PEBP4: variants seen among roughly 807,000 people sequenced by gnomAD.
The protein encoded by PEBP4 is phosphatidylethanolamine-binding protein 4.
A neutral mutation model predicts 23.9 loss-of-function variants in PEBP4; 22 were observed. That is an observed-to-expected ratio of 0.92 (90% CI 0.66 to 1.31). PEBP4 has a LOEUF of 1.31. Ranked by LOEUF, PEBP4 falls within the 40% of genes most tolerant of loss-of-function variation. PEBP4 has a pLI of 0.00. For missense variants in PEBP4, 324 were observed against 281.7 expected (o/e 1.15, Z -1.07); for synonymous variants, 112 against 99.3 (o/e 1.13, Z -0.76).
intron 3 of PEBP4, among the ~76,000 whole-genome samples, chr8:22,859,828 C>T (rs117813921): frequency 0.011 from 1,613 of 152,090 alleles, 20 homozygotes; most frequent in Non-Finnish European, 0.018. Context: ...TGCCTTACAT[C>T]TTTGTTTTTG....
intron 1 of PEBP4, among the ~76,000 whole-genome samples, chr8:22,934,533 G>A (rs1809507571): frequency 6.6e-6 from 1 of 152,132 alleles, no homozygotes; most frequent in African/African-American, 2.4e-5. Context: ...GAGGAAATGA[G>A]GAACACAAAA....
intron 3 of PEBP4, among the ~76,000 whole-genome samples, chr8:22,829,825 C>T (rs527539289): frequency 1.3e-5 from 2 of 152,298 alleles, no homozygotes; most frequent in African/African-American, 2.4e-5. Flanking sequence ...GCAAAATCCA[C>T]GAAATAACTG....
intron 3 of PEBP4, among the ~76,000 whole-genome samples, chr8:22,829,488 G>C (rs2128763786): frequency 6.6e-6 from 1 of 152,252 alleles, no homozygotes; most frequent in South Asian, 2.1e-4. Flanking sequence ...AGGGGAAATT[G>C]AAGGCATCAA....
At chr8:22,805,740 T>C (rs993240220) in intron 4 of PEBP4, among the ~76,000 whole-genome samples, 6 of 152,228 alleles carry the variant, frequency 3.9e-5, no homozygotes, top group African/African-American at 7.2e-5. Flanking sequence ...CTGTGTACTC[T>C]GCTCTCTTTT....
chr8:22,819,858 G>A (rs1029709600), intron 3 of PEBP4, among the ~76,000 whole-genome samples: 4 of 152,086 alleles, frequency 2.6e-5, no homozygotes, highest in East Asian at 1.9e-4. Flanking sequence ...CACCTGCCTC[G>A]GCCTCCCAAA....
intron 4 of PEBP4, among the ~76,000 whole-genome samples, chr8:22,728,563 C>CTTCCTTT: frequency 2.9e-5 from 2 of 69,304 alleles, no homozygotes. Flanking sequence ...TTTCTTTCTT[C>CTTCCTTT]CTTCCTTCCT....
At chr8:22,762,656 C>T (rs1462979413) in intron 4 of PEBP4, among the ~76,000 whole-genome samples, 2 of 152,050 alleles carry the variant, frequency 1.3e-5, no homozygotes, top group Non-Finnish European at 1.5e-5. Context: ...TGCAAGTCTC[C>T]GAGAGGTAGA....
At chr8:22,721,277 TTGA>T (rs1252611285) in intron 6 of PEBP4, among the ~76,000 whole-genome samples, 2 of 152,114 alleles carry the variant, frequency 1.3e-5, no homozygotes, top group African/African-American at 2.4e-5. Flanking sequence ...ACCCTGTATC[TTGA>T]TGAGGTCAAA....
intron 4 of PEBP4, chr8:22,744,676 AG>A (rs1173975830): frequency 1.3e-5 from 2 of 152,274 alleles, no homozygotes; most frequent in African/African-American, 2.4e-5. Flanking sequence ...ACAGAAGAAG[AG>A]GAACATTTAG....
chr8:22,845,250 C>G (rs138365218), intron 3 of PEBP4, among the ~76,000 whole-genome samples: 1 of 151,966 alleles, frequency 6.6e-6, no homozygotes, highest in Non-Finnish European at 1.5e-5. Context: ...AATCCATCAT[C>G]AGACCAGACG....
In PEBP4 at chr8:22,713,642, G is replaced by T. The variant is rs1804354995; in HGVS notation, c.518-106C>A. 5 of 1,490,440 alleles carry T rather than the reference G, an allele frequency of 3.4e-6. No homozygotes were observed. In the South Asian group the frequency reaches 4.7e-5, roughly 14 times the overall value. The allele number at this position is 1,490,440 out of a possible 1,614,324, so 92.3% of individuals were successfully genotyped here. On this transcript the variant is annotated intron_variant, in intron 6 of 6. Coordinates refer to ENST00000256404, the MANE Select transcript of PEBP4 (RefSeq NM_144962.3). The stretch of plus-strand genomic sequence containing the variant: ...CGGCTCGTGGGAGCCGAGGCAGCAG[G>T]TGATGCGATGGCCATGGGGCGTAGT...
chr8:22,897,697 C>CT (rs1808617237), intron 3 of PEBP4: 1 of 152,112 alleles, frequency 6.6e-6, no homozygotes, highest in African/African-American at 2.4e-5. Context: ...CTTAACATCT[C>CT]TCCCTGGATT....
intron 3 of PEBP4, among the ~76,000 whole-genome samples, chr8:22,910,275 GT>G (rs1808911514): frequency 6.6e-6 from 1 of 152,260 alleles, no homozygotes; most frequent in Admixed American, 6.5e-5. Context: ...TAGGGAAAGT[GT>G]TTTGAAAATT....
At chr8:22,798,132 C>T (rs569817879) in intron 4 of PEBP4, among the ~76,000 whole-genome samples, 11 of 152,190 alleles carry the variant, frequency 7.2e-5, no homozygotes, top group African/African-American at 2.6e-4. Flanking sequence ...TTGAGCAGAA[C>T]TTTCAAAAAA....
intron 4 of PEBP4, among the ~76,000 whole-genome samples, chr8:22,759,883 C>A (rs935253533): frequency 6.6e-6 from 1 of 152,164 alleles, no homozygotes; most frequent in South Asian, 2.1e-4. Flanking sequence ...GTGGTTTGCT[C>A]ATTTCTGCAC....
intron 3 of PEBP4, among the ~76,000 whole-genome samples, chr8:22,854,102 C>T (rs1807595732): frequency 6.6e-6 from 1 of 152,180 alleles, no homozygotes; most frequent in Non-Finnish European, 1.5e-5. Context: ...CTTAAGAATC[C>T]CAATGCATGA....
chr8:22,768,740 G>T (rs1382304489), intron 4 of PEBP4, among the ~76,000 whole-genome samples: 2 of 152,100 alleles, frequency 1.3e-5, no homozygotes, highest in African/African-American at 4.8e-5. Context: ...GGAGAGGAGT[G>T]GGGGCGGGCT....
At chr8:22,834,602 G>C (rs1807161636) in intron 3 of PEBP4, among the ~76,000 whole-genome samples, 1 of 152,194 alleles carries the variant, frequency 6.6e-6, no homozygotes, top group East Asian at 1.9e-4. Context: ...TAAAACACTG[G>C]ATTTCCCAGG....
intron 4 of PEBP4, among the ~76,000 whole-genome samples, chr8:22,804,334 A>G (rs867839996): frequency 1.3e-5 from 2 of 152,126 alleles, no homozygotes; most frequent in African/African-American, 2.4e-5. Context: ...CTGTCTCCTG[A>G]AAACAACAAA....
Sources: gnomAD v4.1 joint callset for allele counts (sites outside exome capture counted in the v4.1 genomes callset) on GRCh38, gnomAD v4.1.1 for gene constraint, MANE v1.5 for transcripts, NCBI Gene and HGNC (gene_info 2026-07-23, HGNC 2026-07-21) for gene names.